Variants in ETV1 observed in about 807,000 individuals in gnomAD.
The protein encoded by ETV1 is ETS translocation variant 1.
Under a neutral mutation model 62.3 loss-of-function variants are expected in ETV1, and 27 were observed. That is an observed-to-expected ratio of 0.43 (90% CI 0.32 to 0.60). The LOEUF (loss-of-function observed/expected upper bound fraction) is 0.60, where lower values mean the gene tolerates loss of function less well. ETV1 is among the 20% of genes least tolerant of loss of function. The pLI is 0.06. For missense variants in ETV1, 605 were observed against 605.8 expected (o/e 1.00, Z 0.01); for synonymous variants, 222 against 199.6 (o/e 1.11, Z -0.94).
chr7:13,949,074 TA>T (rs1420487008), intron 6 of ETV1, among the ~76,000 whole-genome samples: 1 of 151,820 alleles, frequency 6.6e-6, no homozygotes, highest in Non-Finnish European at 1.5e-5. Flanking sequence ...TGCACCTGTC[TA>T]AAAAATATAA....
intron 12 of ETV1, among the ~76,000 whole-genome samples, chr7:13,905,511 C>G (rs1217718073): frequency 6.6e-6 from 1 of 152,106 alleles, no homozygotes; most frequent in Non-Finnish European, 1.5e-5. Context: ...TTAACTTCAC[C>G]TTTCCATCAG....
chr7:13,921,962 A>C (rs2128437432), intron 9 of ETV1, among the ~76,000 whole-genome samples: 1 of 152,318 alleles, frequency 6.6e-6, no homozygotes, highest in African/African-American at 2.4e-5. Flanking sequence ...ACAAACTGAA[A>C]ATGAATATCT....
intron 4 of ETV1, among the ~76,000 whole-genome samples, chr7:13,987,413 T>C (rs2357845): frequency 0.57 from 86,745 of 151,682 alleles, 25,119 homozygotes; most frequent in African/African-American, 0.63. Context: ...TAAATCTAAG[T>C]ATATTAAGTT....
intron 10 of ETV1, chr7:13,910,597 T>C (rs1160434875): frequency 4.4e-6 from 1 of 226,646 alleles, no homozygotes; most frequent in African/African-American, 2.3e-5. Context: ...GTCAATCCTA[T>C]TAAAGAGATG....
intron 9 of ETV1, among the ~76,000 whole-genome samples, chr7:13,924,334 T>C (rs926211337): frequency 6.6e-6 from 1 of 152,210 alleles, no homozygotes; most frequent in Non-Finnish European, 1.5e-5. Context: ...CCACTTTTTC[T>C]TCTCATTATT....
At chr7:13,901,453 G>A (rs186018905) in intron 12 of ETV1, among the ~76,000 whole-genome samples, 19 of 152,218 alleles carry the variant, frequency 1.2e-4, no homozygotes, top group Admixed American at 8.5e-4. Context: ...ACCAAAATGA[G>A]GCACGTTTTT....
At chr7:13,933,776 C>T (rs913366167) in intron 8 of ETV1, among the ~76,000 whole-genome samples, 2 of 152,322 alleles carry the variant, frequency 1.3e-5, no homozygotes, top group Middle Eastern at 3.4e-3. Flanking sequence ...AAAACTCAGT[C>T]AGGGGTCAGT....
intron 5 of ETV1, 57 bp from the exon 6 acceptor site, chr7:13,977,537 G>C: frequency 8.5e-7 from 1 of 1,170,382 alleles, no homozygotes. Context: ...AAAAGCATAA[G>C]GAATGTCAAG....
chr7:13,900,729 G>A lies in ETV1; in HGVS notation c.1212+9C>T. The A allele has an allele frequency of 6.4e-7, 1 of 1,565,212 alleles. No homozygotes were observed. The highest frequency in any genetic ancestry group is 1.1e-5 in the South Asian group (1 of 87,296). ...TTCAATGAATTTTAATGCTGTATTA[G>A]CTGCTCACCTTTTGCATAATTCCTT... On this transcript the variant is annotated intron_variant, in intron 13 of 13. Coordinates refer to ENST00000430479, the MANE Select transcript of ETV1 (RefSeq NM_004956.5).
At chr7:13,898,679 G>C (rs1369211850) in intron 13 of ETV1, among the ~76,000 whole-genome samples, 1 of 152,032 alleles carries the variant, frequency 6.6e-6, no homozygotes, top group African/African-American at 2.4e-5. Context: ...TGCCCACAAA[G>C]TTTTAAGTTA....
At chr7:13,909,582 T>C in intron 11 of ETV1, 50 bp downstream of exon 11, 1 of 1,310,766 alleles carries the variant, frequency 7.6e-7, no homozygotes, top group Non-Finnish European at 1.1e-6. Flanking sequence ...GCGAAGGTAA[T>C]CACTCCATCT....
chr7:13,981,405 AC>A (rs1781970106), intron 5 of ETV1, among the ~76,000 whole-genome samples: 1 of 152,080 alleles, frequency 6.6e-6, no homozygotes, highest in Non-Finnish European at 1.5e-5. Flanking sequence ...AAGCAAGTAA[AC>A]TTGGACTTGC....
chr7:13,920,386 T>C (rs1268760949), intron 9 of ETV1, among the ~76,000 whole-genome samples: 1 of 152,008 alleles, frequency 6.6e-6, no homozygotes, highest in Admixed American at 6.6e-5. Flanking sequence ...CAGCAGCTGA[T>C]GGAACACTAC....
intron 12 of ETV1, among the ~76,000 whole-genome samples, chr7:13,903,304 T>G (rs2128409987): frequency 6.6e-6 from 1 of 152,302 alleles, no homozygotes; most frequent in South Asian, 2.1e-4. Flanking sequence ...GTTCAAGCAT[T>G]AATCAACTTA....
chr7:13,983,114 T>G (rs1373610015), intron 5 of ETV1, among the ~76,000 whole-genome samples: 1 of 151,958 alleles, frequency 6.6e-6, no homozygotes, highest in East Asian at 1.9e-4. Flanking sequence ...CTACTCGAAG[T>G]GTGGAGGCAG....
intron 13 of ETV1, among the ~76,000 whole-genome samples, chr7:13,896,835 G>A (rs1032068777): frequency 6.6e-6 from 1 of 151,842 alleles, no homozygotes; most frequent in Non-Finnish European, 1.5e-5. Flanking sequence ...CAAAAGGACA[G>A]TATCCTGGGT....
chr7:13,973,448 T>C (rs1781098887), intron 6 of ETV1, among the ~76,000 whole-genome samples: 1 of 152,182 alleles, frequency 6.6e-6, no homozygotes, highest in Admixed American at 6.5e-5. Flanking sequence ...GGAGACCATC[T>C]AACCTCTCAA....
At chr7:13,923,490 T>C (rs1785081016) in intron 9 of ETV1, among the ~76,000 whole-genome samples, 1 of 152,246 alleles carries the variant, frequency 6.6e-6, no homozygotes, top group Non-Finnish European at 1.5e-5. Context: ...CAGATAGATT[T>C]GTCAGCTCTG....
At chr7:13,910,189 G>C (rs1410594907) in intron 10 of ETV1, among the ~76,000 whole-genome samples, 1 of 139,966 alleles carries the variant, frequency 7.1e-6, no homozygotes, top group Non-Finnish European at 1.5e-5. Flanking sequence ...TAACCTTCCT[G>C]TACTCAATTA....
Sources: gnomAD v4.1 joint callset for allele counts (sites outside exome capture counted in the v4.1 genomes callset) on GRCh38, gnomAD v4.1.1 for gene constraint, MANE v1.5 for transcripts, NCBI Gene and HGNC (gene_info 2026-07-23, HGNC 2026-07-21) for gene names.